Variants in PCNX1 observed in about 807,000 individuals in gnomAD.
PCNX1 encodes the protein pecanex-like protein 1.
In PCNX1, 78 loss-of-function variants were observed where a neutral mutation model predicts 242.2. That is an observed-to-expected ratio of 0.32 (90% CI 0.27 to 0.39). The LOEUF is 0.39. PCNX1 is among the 10% of genes least tolerant of loss of function. The pLI is 1.00. For synonymous variants in PCNX1, 1,024 were observed against 1,032.9 expected, an observed-to-expected ratio of 0.99 and a Z score of 0.17; for missense variants, 2,581 against 2,856.5, an observed-to-expected ratio of 0.90 and a Z score of 2.20.
chr14:70,943,148 A>G (rs908915229), intron 1 of PCNX1, among the ~76,000 whole-genome samples: 1 of 152,208 alleles, frequency 6.6e-6, no homozygotes, highest in African/African-American at 2.4e-5. Context: ...GAATGGACTA[A>G]TACAGTAAAT....
At chr14:70,994,898 T>C (rs768556894) in intron 7 of PCNX1, among the ~76,000 whole-genome samples, 98 of 152,222 alleles carry the variant, frequency 6.4e-4, no homozygotes, top group Non-Finnish European at 1.3e-3. Context: ...AAATACCAAG[T>C]ATTTAAAAAT....
At chr14:70,985,686 TGC>T (rs2058980819) in intron 6 of PCNX1, among the ~76,000 whole-genome samples, 1 of 152,238 alleles carries the variant, frequency 6.6e-6, no homozygotes. Flanking sequence ...GTTTTTGAAT[TGC>T]TTGCATGTTT....
chr14:71,084,866 C>G (rs529468402), intron 28 of PCNX1, among the ~76,000 whole-genome samples: 1 of 152,150 alleles, frequency 6.6e-6, no homozygotes, highest in South Asian at 2.1e-4. Flanking sequence ...AGTTCTGTCT[C>G]GCTGGCATTC....
intron 2 of PCNX1, among the ~76,000 whole-genome samples, chr14:70,950,252 T>G (rs1159600867): frequency 1.3e-5 from 2 of 152,188 alleles, no homozygotes; most frequent in African/African-American, 2.4e-5. Context: ...GGTAATGACC[T>G]TATTGTTCTT....
chr14:70,933,909 A>T (rs1352436694), intron 1 of PCNX1, among the ~76,000 whole-genome samples: 1 of 152,268 alleles, frequency 6.6e-6, no homozygotes, highest in East Asian at 1.9e-4. Context: ...CTGTTGGAGA[A>T]CAGCTACAAG....
intron 26 of PCNX1, among the ~76,000 whole-genome samples, chr14:71,061,746 A>G (rs1174801918): frequency 1.3e-5 from 2 of 152,208 alleles, no homozygotes; most frequent in African/African-American, 4.8e-5. Flanking sequence ...AGAGATTGCA[A>G]AAATCAACAT....
intron 16 of PCNX1, among the ~76,000 whole-genome samples, chr14:71,030,474 G>T (rs2060352923): frequency 6.6e-6 from 1 of 152,044 alleles, no homozygotes; most frequent in Non-Finnish European, 1.5e-5. Flanking sequence ...CACCTCTAGG[G>T]TTTCCTTGCC....
At chr14:71,041,170 C>T (rs930388020) in intron 19 of PCNX1, among the ~76,000 whole-genome samples, 4 of 152,072 alleles carry the variant, frequency 2.6e-5, no homozygotes, top group Admixed American at 1.3e-4. Context: ...AAATTGATTT[C>T]CTTTCTTTTG....
At chr14:70,932,083 C>T (rs1192861695) in intron 1 of PCNX1, among the ~76,000 whole-genome samples, 1 of 152,156 alleles carries the variant, frequency 6.6e-6, no homozygotes, top group African/African-American at 2.4e-5. Context: ...GCCGAGATCG[C>T]GCCATTGCAC....
At chr14:71,082,579 C>G (rs760947720) in intron 28 of PCNX1, among the ~76,000 whole-genome samples, 29 of 152,120 alleles carry the variant, frequency 1.9e-4, no homozygotes, top group Non-Finnish European at 3.7e-4. Context: ...TGGCTCTTCT[C>G]GCTACATTGA....
At chr14:70,910,707 T>C (rs1423259322) in intron 1 of PCNX1, among the ~76,000 whole-genome samples, 1 of 152,084 alleles carries the variant, frequency 6.6e-6, no homozygotes, top group African/African-American at 2.4e-5. Context: ...TTTGTTTTTA[T>C]GTCTTTCTTA....
At chr14:70,946,548 AAAG>A (rs1327832235) in intron 1 of PCNX1, among the ~76,000 whole-genome samples, 2 of 152,272 alleles carry the variant, frequency 1.3e-5, no homozygotes, top group African/African-American at 2.4e-5. Context: ...CATTAAATAA[AAAG>A]AAACACATGA....
intron 8 of PCNX1, among the ~76,000 whole-genome samples, 190 bp from the exon 9 acceptor site, chr14:71,009,444 C>T (rs2059759815): frequency 6.6e-6 from 1 of 152,172 alleles, no homozygotes; most frequent in South Asian, 2.1e-4. Flanking sequence ...TGATGTTTTA[C>T]CCTACTGTCC....
At chr14:71,028,846 G>T (rs1289044643) in intron 16 of PCNX1, 55 bp downstream of exon 16, 2 of 1,085,038 alleles carry the variant, frequency 1.8e-6, no homozygotes, top group South Asian at 1.5e-5. Context: ...CTATATGAAG[G>T]TTGTTTTAAA....
intron 19 of PCNX1, among the ~76,000 whole-genome samples, chr14:71,042,126 T>C (rs1271984784): frequency 6.6e-6 from 1 of 152,168 alleles, no homozygotes; most frequent in Non-Finnish European, 1.5e-5. Flanking sequence ...ATGTCCCATG[T>C]GTTAATGAGG....
chr14:70,934,302 G>C (rs149448887), intron 1 of PCNX1, among the ~76,000 whole-genome samples: 248 of 152,130 alleles, frequency 1.6e-3, no homozygotes, highest in African/African-American at 5.7e-3. Context: ...TAAACTGTGG[G>C]GTAAATGGCT....
chr14:70,963,860 A>G (rs1480277392), intron 3 of PCNX1, among the ~76,000 whole-genome samples: 1 of 152,152 alleles, frequency 6.6e-6, no homozygotes, highest in Non-Finnish European at 1.5e-5. Flanking sequence ...GATACAAATA[A>G]CTTGACCAGG....
At chr14:71,096,472 A>G (rs2062284562) in intron 30 of PCNX1, among the ~76,000 whole-genome samples, 1 of 152,216 alleles carries the variant, frequency 6.6e-6, no homozygotes, top group Admixed American at 6.5e-5. Context: ...TCCTGTCTCA[A>G]AAATTAAAAG....
rs1175255754 is a variant in PCNX1 at position 71,047,105 on chromosome 14, A to G, written c.4160A>G (p.Glu1387Gly). 1 of 1,585,500 alleles carries G rather than the reference A, an allele frequency of 6.3e-7. No individual in the cohort carries two copies. Among genetic ancestry groups the G allele is most frequent in the Admixed American group, 1.7e-5 (1 of 59,108 alleles). Reference protein sequence around the residue: ...TIASPKKLNTELGALMITVAG... With the variant: ...TIASPKKLNTGLGALMITVAG... ...GCTAGTCCAAAGAAACTGAATACAG[A>G]GTAAGTATAGTAGTCTTCTAATATT... is the stretch of plus-strand genomic sequence containing the variant. The change falls in exon 21 of 36, where the codon GAA (glutamate) becomes GGA (glycine). Residue 1387 changes from glutamate to glycine, a missense_variant and splice_region_variant. This residue lies in a region of PCNX1 where 432 missense variants were observed against 443.1 expected (regional missense o/e 0.97). Transcript: ENST00000304743.
Sources: gnomAD v4.1 joint callset for allele counts (sites outside exome capture counted in the v4.1 genomes callset) on GRCh38, gnomAD v4.1.1 for gene constraint, gnomAD v4.1.1 regional missense constraint, MANE v1.5 for transcripts, NCBI Gene and HGNC (gene_info 2026-07-23, HGNC 2026-07-21) for gene names.